The following RIT2 variants were observed in gnomAD, a reference collection of about 807,000 sequenced individuals.
The protein encoded by RIT2 is Ras like without CAAX 2, also known as GTP-binding protein Rit2.
A neutral mutation model predicts 23.7 loss-of-function variants in RIT2; 24 were observed. The ratio of observed to expected loss-of-function variants is 1.01; its 90% CI spans 0.73 to 1.43. The LOEUF is 1.43. Among genes scored for constraint, RIT2 ranks in the 40% most tolerant of loss-of-function variants. The pLI is 0.00. For missense variants in RIT2, 236 were observed against 266.9 expected, an observed-to-expected ratio of 0.88 and a Z score of 0.81; for synonymous variants, 107 against 91.1, an observed-to-expected ratio of 1.17 and a Z score of -0.99.
intron 3 of RIT2, among the ~76,000 whole-genome samples, chr18:42,952,099 TC>T (rs1291389429): frequency 6.6e-6 from 1 of 152,052 alleles, no homozygotes; most frequent in Non-Finnish European, 1.5e-5. Context: ...TCCTACTGGG[TC>T]CCTCCCATGT....
chr18:43,056,577 T>C (rs749307521), intron 1 of RIT2, among the ~76,000 whole-genome samples: 1 of 152,118 alleles, frequency 6.6e-6, no homozygotes, highest in Non-Finnish European at 1.5e-5. Context: ...GCGGCACTTA[T>C]GAAACAGGAA....
intron 4 of RIT2, among the ~76,000 whole-genome samples, chr18:42,917,916 T>G (rs1336558441): frequency 6.6e-6 from 1 of 152,144 alleles, no homozygotes; most frequent in East Asian, 1.9e-4. Context: ...CTCTGATTCT[T>G]ACACTCCACA....
At chr18:42,775,957 A>G (rs1027038212) in intron 4 of RIT2, among the ~76,000 whole-genome samples, 4 of 152,312 alleles carry the variant, frequency 2.6e-5, no homozygotes, top group African/African-American at 7.2e-5. Flanking sequence ...AAAAAAATAA[A>G]TAAGTATCTT....
intron 2 of RIT2, among the ~76,000 whole-genome samples, chr18:43,012,651 G>A (rs1411231155): frequency 6.0e-5 from 9 of 151,088 alleles, no homozygotes; most frequent in Non-Finnish European, 1.3e-4. Flanking sequence ...TGTATTATAT[G>A]TTATTTTATT....
chr18:43,115,380 G>A, intron 1 of RIT2, 37 bp downstream of exon 1: 1 of 1,610,894 alleles, frequency 6.2e-7, no homozygotes, highest in Non-Finnish European at 8.5e-7. Flanking sequence ...TCTCTATAGA[G>A]GTCCCTCCTT....
chr18:42,874,669 A>G (rs78683680), intron 4 of RIT2, among the ~76,000 whole-genome samples: 15,931 of 152,130 alleles, frequency 0.1, 962 homozygotes, highest in Middle Eastern at 0.24. Flanking sequence ...TCCCTTTAAT[A>G]AGGTTCTGGT....
In RIT2 at chr18:42,923,775, A is replaced by T; in HGVS notation, c.235-12T>A. 1 of 1,578,530 alleles carries T rather than the reference A, an allele frequency of 6.3e-7. No individual in the cohort carries two copies. On this transcript the variant is annotated splice_polypyrimidine_tract_variant and intron_variant, in intron 3 of 4. Coordinates refer to ENST00000326695, the MANE Select transcript of RIT2 (RefSeq NM_002930.4). ...GCTGTGAATTCTGCCTGCAGGAAAA[A>T]AAAAAAAAAATTAGTTATGGGCTTT...
intron 1 of RIT2, among the ~76,000 whole-genome samples, chr18:43,035,911 T>C (rs1367483316): frequency 6.6e-6 from 1 of 152,238 alleles, no homozygotes; most frequent in East Asian, 1.9e-4. Context: ...TCTCTGGCTC[T>C]GATTTTCTTT....
At chr18:43,068,822 A>G (rs942129373) in intron 1 of RIT2, among the ~76,000 whole-genome samples, 2 of 152,158 alleles carry the variant, frequency 1.3e-5, no homozygotes, top group Non-Finnish European at 2.9e-5. Flanking sequence ...AGAGGCTTCA[A>G]TTTGTGTTGG....
At chr18:43,046,609 A>C (rs986082542) in intron 1 of RIT2, among the ~76,000 whole-genome samples, 4 of 152,184 alleles carry the variant, frequency 2.6e-5, no homozygotes, top group African/African-American at 9.7e-5. Context: ...CACAGTCAAC[A>C]TTTACAGAAC....
chr18:42,922,723 A>T (rs1909082913), intron 4 of RIT2, among the ~76,000 whole-genome samples: 1 of 152,156 alleles, frequency 6.6e-6, no homozygotes, highest in South Asian at 2.1e-4. Flanking sequence ...TGAACTATGT[A>T]AGTTACGGTA....
chr18:43,056,868 CA>C (rs1000951296), intron 1 of RIT2, among the ~76,000 whole-genome samples: 5 of 152,088 alleles, frequency 3.3e-5, no homozygotes, highest in African/African-American at 1.2e-4. Flanking sequence ...TTGACCTCAG[CA>C]AACAAAGCAA....
intron 4 of RIT2, among the ~76,000 whole-genome samples, chr18:42,785,807 T>C (rs1294049439): frequency 6.6e-6 from 1 of 152,110 alleles, no homozygotes; most frequent in Non-Finnish European, 1.5e-5. Context: ...GCATCTTTCA[T>C]ACATTTTACA....
chr18:42,972,591 A>G (rs1443483556), intron 3 of RIT2, among the ~76,000 whole-genome samples: 1 of 151,922 alleles, frequency 6.6e-6, no homozygotes, highest in Non-Finnish European at 1.5e-5. Context: ...ATGAATCATT[A>G]CATGTATAGT....
chr18:42,935,843 T>C (rs910881227), intron 3 of RIT2, among the ~76,000 whole-genome samples: 13 of 152,036 alleles, frequency 8.6e-5, no homozygotes, highest in African/African-American at 2.9e-4. Context: ...GGAGTTTAAG[T>C]GCCCCATTTT....
chr18:42,746,656 T>C, intron 4 of RIT2, among the ~76,000 whole-genome samples: 1 of 152,016 alleles, frequency 6.6e-6, no homozygotes, highest in East Asian at 1.9e-4. Flanking sequence ...CTCTCAGCAA[T>C]TGAAAGAACT....
chr18:43,076,707 G>A (rs1455554157), intron 1 of RIT2, among the ~76,000 whole-genome samples: 2 of 152,166 alleles, frequency 1.3e-5, no homozygotes. Flanking sequence ...CGATGCTGAA[G>A]AAGGCAGAGA....
Position 42,935,070 on chromosome 18 carries a change from G to T in RIT2, c.235-11307C>A, listed in dbSNP as rs1909418485. ...AATAGAAAAAGTCAGAGTGTCTGTG[G>T]GTAGTGATCAGGGTAATTAAATAAA... On this transcript the variant is annotated intron_variant, in intron 3 of 4. Transcript: ENST00000326695. 2.0e-5 allele frequency among the ~76,000 whole-genome samples: 3 copies of T among 152,060 alleles called. No individual in the cohort carries two copies. In the South Asian group the frequency reaches 6.2e-4, roughly 31 times the overall value.
intron 3 of RIT2, among the ~76,000 whole-genome samples, chr18:42,965,210 G>A (rs375342821): frequency 9.5e-4 from 145 of 152,288 alleles, no homozygotes; most frequent in African/African-American, 3.2e-3. Context: ...GAGGATGATA[G>A]AATGTTAGAG....
Sources: allele counts gnomAD v4.1 joint callset (sites outside exome capture counted in the v4.1 genomes callset), GRCh38; gene constraint gnomAD v4.1.1; transcripts MANE v1.5; gene names NCBI Gene and HGNC (gene_info 2026-07-23, HGNC 2026-07-21).